The following ANO3 variants were observed in gnomAD, a reference collection of about 807,000 sequenced individuals.
ANO3 encodes anoctamin 3.
A neutral mutation model predicts 144.8 loss-of-function variants in ANO3; 99 were observed. The ratio of observed to expected loss-of-function variants is 0.68; its 90% CI spans 0.58 to 0.81. ANO3 has a LOEUF of 0.81. Among genes scored for constraint, ANO3 ranks in the 30% least tolerant of loss-of-function variants. ANO3 has a pLI of 0.00. For missense variants in ANO3, 905 were observed against 1,202.2 expected (o/e 0.75, Z 3.66); for synonymous variants, 414 against 392.6 (o/e 1.05, Z -0.64).
intron 1 of ANO3, among the ~76,000 whole-genome samples, chr11:26,224,913 A>C (rs1336498894): frequency 2.6e-5 from 4 of 152,176 alleles, no homozygotes; most frequent in Non-Finnish European, 5.9e-5. Context: ...GTAATCGTGC[A>C]CTAACATCCA....
intron 1 of ANO3, among the ~76,000 whole-genome samples, chr11:26,237,247 C>T (rs938156534): frequency 3.9e-5 from 6 of 152,076 alleles, no homozygotes; most frequent in African/African-American, 1.4e-4. Context: ...TTTTTACAAC[C>T]TACAAAATCT....
At chr11:26,479,134 A>T (rs760845106) in intron 4 of ANO3, among the ~76,000 whole-genome samples, 1 of 152,184 alleles carries the variant, frequency 6.6e-6, no homozygotes, top group Non-Finnish European at 1.5e-5. Context: ...GATTTTCAGA[A>T]CCAGCTGTTA....
At chr11:26,197,330 A>T (rs1851608471) in intron 1 of ANO3, among the ~76,000 whole-genome samples, 1 of 151,962 alleles carries the variant, frequency 6.6e-6, no homozygotes, top group African/African-American at 2.4e-5. Flanking sequence ...CTATATGGGT[A>T]GTTTAATATT....
intron 1 of ANO3, among the ~76,000 whole-genome samples, chr11:26,240,960 C>A (rs1049347797): frequency 6.6e-6 from 1 of 152,158 alleles, no homozygotes; most frequent in African/African-American, 2.4e-5. Flanking sequence ...CCACTCAAAT[C>A]TCATCTTGAA....
chr11:26,240,516 AG>A (rs888458844), intron 1 of ANO3, among the ~76,000 whole-genome samples: 1 of 152,244 alleles, frequency 6.6e-6, no homozygotes, highest in Non-Finnish European at 1.5e-5. Context: ...ATATGGCACC[AG>A]CAATGTGTTT....
At position 26,655,492 on chromosome 11, in the gene ANO3, C is replaced by A. The variant is rs558664966; in HGVS notation, c.2577-633C>A. Among the ~76,000 whole-genome samples, 234 of 152,236 alleles carry A rather than the reference C, an allele frequency of 1.5e-3. 3 individuals carry two copies. Among genetic ancestry groups the A allele is most frequent in the African/African-American group, 5.5e-3 (227 of 41,532 alleles). ...TGTTACCGTAGGAATGCTGACTTAA[C>A]AATATCCCATCTGGAAGAATTACTT... On this transcript the variant is annotated intron_variant, in intron 24 of 26. Transcript: ENST00000256737.
At chr11:26,267,979 AT>A (rs1853352459) in intron 1 of ANO3, among the ~76,000 whole-genome samples, 1 of 152,192 alleles carries the variant, frequency 6.6e-6, no homozygotes, top group African/African-American at 2.4e-5. Context: ...TAAGAGCAAA[AT>A]TTAAAAATGT....
chr11:26,530,551 C>T (rs921491069), intron 7 of ANO3, among the ~76,000 whole-genome samples: 6 of 98,570 alleles, frequency 6.1e-5, no homozygotes, highest in Admixed American at 1.4e-4. Context: ...ATATATTTTG[C>T]GCTTAAAAAA....
At chr11:26,338,888 G>C (rs1855272169) in intron 1 of ANO3, among the ~76,000 whole-genome samples, 1 of 152,176 alleles carries the variant, frequency 6.6e-6, no homozygotes, top group African/African-American at 2.4e-5. Flanking sequence ...CACTCACCGC[G>C]AGGGTCCGCG....
intron 17 of ANO3, among the ~76,000 whole-genome samples, chr11:26,617,083 T>C (rs1392167380): frequency 6.6e-6 from 1 of 152,224 alleles, no homozygotes; most frequent in Non-Finnish European, 1.5e-5. Flanking sequence ...AAATATTCTT[T>C]ATATTATCAC....
At chr11:26,485,148 A>C (rs1191796957) in intron 4 of ANO3, among the ~76,000 whole-genome samples, 4 of 152,098 alleles carry the variant, frequency 2.6e-5, no homozygotes, top group Non-Finnish European at 5.9e-5. Flanking sequence ...GACTCTTGAG[A>C]AGGGACAGTT....
intron 3 of ANO3, among the ~76,000 whole-genome samples, chr11:26,447,938 G>A (rs996942095): frequency 6.6e-6 from 1 of 152,128 alleles, no homozygotes; most frequent in Admixed American, 6.6e-5. Flanking sequence ...AGTAATCCAC[G>A]TTAACAAGTG....
intron 10 of ANO3, among the ~76,000 whole-genome samples, chr11:26,539,709 C>T (rs1456474207): frequency 2.6e-5 from 4 of 152,174 alleles, no homozygotes; most frequent in Non-Finnish European, 4.4e-5. Context: ...AAGGAATATT[C>T]TGATGAGCTT....
rs1359393538 is a variant in ANO3, at chr11:26,599,642, A to T, written c.1764A>T (p.Lys588Asn). Residue 588 changes from lysine to asparagine, a missense_variant, in exon 17 of 27, where the codon AAA (lysine) becomes AAT (asparagine). Physicochemically the swap from Lys to Asn is moderately conservative, Grantham distance 94. Around this residue, in one of 4 missense-constraint regions of ANO3, gnomAD observed 597 missense variants for 865.1 expected, o/e 0.69. Coordinates refer to ENST00000256737, the MANE Select transcript of ANO3 (RefSeq NM_031418.4). ...CATCATTCAAGTGGAATTTCATCAA[A>T]CAATACTGGCAGTTTGCAACATCTG... ...QFASFKWNFI[K>N]QYWQFATSAA... 1 of 1,614,032 alleles carries T rather than the reference A, an allele frequency of 6.2e-7. No homozygotes were observed. The highest frequency in any genetic ancestry group is 1.3e-5 in the African/African-American group (1 of 74,922).
At chr11:26,212,542 G>T (rs917957921) in intron 1 of ANO3, among the ~76,000 whole-genome samples, 1 of 151,930 alleles carries the variant, frequency 6.6e-6, no homozygotes, top group Non-Finnish European at 1.5e-5. Flanking sequence ...AGAATAAATG[G>T]ATAAATTTCT....
chr11:26,618,817 G>T (rs1477289282), intron 17 of ANO3, among the ~76,000 whole-genome samples: 1 of 151,958 alleles, frequency 6.6e-6, no homozygotes, highest in Admixed American at 6.6e-5. Flanking sequence ...TTCTTAATTT[G>T]TCTCCTTGGT....
intron 1 of ANO3, among the ~76,000 whole-genome samples, chr11:26,375,922 C>T (rs1160334966): frequency 6.6e-6 from 1 of 152,138 alleles, no homozygotes; most frequent in Non-Finnish European, 1.5e-5. Context: ...ATTGCTTTTA[C>T]TCTGTGAGGA....
At chr11:26,261,667 G>T (rs756851465) in intron 1 of ANO3, among the ~76,000 whole-genome samples, 5 of 152,128 alleles carry the variant, frequency 3.3e-5, no homozygotes, top group Admixed American at 6.6e-5. Context: ...GCACACCAAG[G>T]CAAACTGTTT....
At chr11:26,551,481 T>C (rs551468149) in intron 12 of ANO3, among the ~76,000 whole-genome samples, 8 of 152,104 alleles carry the variant, frequency 5.3e-5, no homozygotes, top group Non-Finnish European at 1.0e-4. Context: ...TTGTGTACCA[T>C]GTATCAAGTT....
Sources: gnomAD v4.1 joint callset for allele counts (sites outside exome capture counted in the v4.1 genomes callset) on GRCh38, gnomAD v4.1.1 for gene constraint, gnomAD v4.1.1 regional missense constraint, MANE v1.5 for transcripts, NCBI Gene and HGNC (gene_info 2026-07-23, HGNC 2026-07-21) for gene names.